The following CYP20A1 variants were observed in gnomAD, a reference collection of about 807,000 sequenced individuals.
The protein encoded by CYP20A1 is cytochrome P450 family 20 subfamily A member 1.
Under a neutral mutation model 61.4 loss-of-function variants are expected in CYP20A1, and 61 were observed. The ratio of observed to expected loss-of-function variants is 0.99; its 90% confidence interval spans 0.81 to 1.23. The LOEUF (loss-of-function observed/expected upper bound fraction) is 1.23. CYP20A1 is among the 50% of genes most tolerant of loss of function. The pLI, the probability that CYP20A1 is intolerant of heterozygous loss-of-function variation, is 0.00. For synonymous variants in CYP20A1, 193 were observed against 188.2 expected (o/e 1.03, Z -0.21); for missense variants, 530 against 542.4 (o/e 0.98, Z 0.23).
intron 9 of CYP20A1, among the ~76,000 whole-genome samples, chr2:203,287,234 A>AG (rs1400423991): frequency 6.6e-6 from 1 of 151,144 alleles, no homozygotes; most frequent in Non-Finnish European, 1.5e-5. Context: ...AAAAAAAAAA[A>AG]AAAAAGAAAA....
chr2:203,245,775 A>C, intron 1 of CYP20A1, 71 bp from the exon 2 acceptor site: 4 of 802,482 alleles, frequency 5.0e-6, no homozygotes, highest in Non-Finnish European at 8.1e-6. Flanking sequence ...GGTCCTGCAG[A>C]TGTGTTGGTG....
At chr2:203,283,211 A>ATTTTTTTTTTTTTTTTTT (rs371972851) in intron 8 of CYP20A1, among the ~76,000 whole-genome samples, 1 of 83,492 alleles carries the variant, frequency 1.2e-5, no homozygotes. Flanking sequence ...CAATGTGAGA[A>ATTTTTTTTTTTTTTTTTT]TTTTTTTTTT....
Position 203,292,826 on chromosome 2 carries a change from G to A in CYP20A1, c.1148+500G>A, listed in dbSNP as rs890620425. Among the ~76,000 whole-genome samples, 2 of 151,746 alleles carry A rather than the reference G, an allele frequency of 1.3e-5. 1 individual carries two copies. Among genetic ancestry groups the A allele is most frequent in the African/African-American group, 4.8e-5 (2 of 41,322 alleles). ...GTGAATCTGCTATTTGCTACTCTTT[G>A]TCTCTTTTATTACCACTTTTATACT... is the stretch of plus-strand genomic sequence containing the variant. On this transcript the variant is annotated intron_variant, in intron 11 of 12. Coordinates refer to ENST00000356079, the MANE Select transcript of CYP20A1 (RefSeq NM_177538.3).
At chr2:203,252,131 T>G in intron 4 of CYP20A1, 22 bp downstream of exon 4, 1 of 1,576,354 alleles carries the variant, frequency 6.3e-7, no homozygotes, top group Non-Finnish European at 8.6e-7. Flanking sequence ...AGTAGTTTGG[T>G]CTAGTGTTCT....
chr2:203,279,354 ATAT>A (rs749911415), intron 7 of CYP20A1, among the ~76,000 whole-genome samples: 44 of 152,280 alleles, frequency 2.9e-4, no homozygotes, highest in Middle Eastern at 3.4e-3. Flanking sequence ...ATATTATTTA[ATAT>A]TATTAAATTG....
At chr2:203,274,494 T>G (rs2067733517) in intron 6 of CYP20A1, among the ~76,000 whole-genome samples, 1 of 152,180 alleles carries the variant, frequency 6.6e-6, no homozygotes, top group African/African-American at 2.4e-5. Flanking sequence ...CCAATACTTT[T>G]ATTCTAAGCT....
At chr2:203,267,840 T>C (rs1374693045) in intron 5 of CYP20A1, among the ~76,000 whole-genome samples, 1 of 139,198 alleles carries the variant, frequency 7.2e-6, no homozygotes, top group African/African-American at 2.7e-5. Flanking sequence ...CAAGAGTCCA[T>C]CTCAAAAAAA....
intron 5 of CYP20A1, among the ~76,000 whole-genome samples, chr2:203,270,988 C>T (rs368035754): frequency 1.1e-4 from 15 of 139,578 alleles, no homozygotes; most frequent in South Asian, 6.9e-4. Context: ...CCACTCCACT[C>T]GGCCTACTAT....
chr2:203,282,443 G>A (rs966955610), intron 8 of CYP20A1, among the ~76,000 whole-genome samples: 3 of 151,566 alleles, frequency 2.0e-5, no homozygotes, highest in Admixed American at 6.6e-5. Flanking sequence ...GCCTAACTTG[G>A]GCAATAAAAC....
chr2:203,271,856 C>G (rs2067613307), intron 5 of CYP20A1, among the ~76,000 whole-genome samples: 1 of 152,058 alleles, frequency 6.6e-6, no homozygotes, highest in Admixed American at 6.6e-5. Flanking sequence ...GAAACCCCAT[C>G]TCTACTAAAA....
At chr2:203,260,123 C>CA (rs1407587315) in intron 4 of CYP20A1, among the ~76,000 whole-genome samples, 3 of 152,052 alleles carry the variant, frequency 2.0e-5, no homozygotes, top group Non-Finnish European at 4.4e-5. Flanking sequence ...GACAGGGTTT[C>CA]ACCATGTTGG....
At chr2:203,282,993 A>T (rs955490701) in intron 8 of CYP20A1, among the ~76,000 whole-genome samples, 1 of 152,004 alleles carries the variant, frequency 6.6e-6, no homozygotes. Flanking sequence ...ATATAGTGGG[A>T]CACAATCTCT....
At chr2:203,243,059 G>A (rs982338247) in intron 1 of CYP20A1, among the ~76,000 whole-genome samples, 3 of 152,094 alleles carry the variant, frequency 2.0e-5, no homozygotes, top group African/African-American at 7.2e-5. Context: ...AAATCCCCTG[G>A]TGCATTCACT....
At chr2:203,253,174 C>G (rs2066759660) in intron 4 of CYP20A1, among the ~76,000 whole-genome samples, 1 of 152,212 alleles carries the variant, frequency 6.6e-6, no homozygotes, top group African/African-American at 2.4e-5. Context: ...GGCTCCCCTT[C>G]TGTCCCCACG....
intron 4 of CYP20A1, among the ~76,000 whole-genome samples, chr2:203,265,244 A>G (rs1052308008): frequency 6.6e-5 from 10 of 152,128 alleles, no homozygotes; most frequent in African/African-American, 1.9e-4. Flanking sequence ...TTACCTCTAG[A>G]TGCCAGTAGC....
At chr2:203,286,491 A>G (rs1404421838) in intron 9 of CYP20A1, among the ~76,000 whole-genome samples, 1 of 152,152 alleles carries the variant, frequency 6.6e-6, no homozygotes, top group East Asian at 1.9e-4. Context: ...TGGTATTACC[A>G]TACCATAGAA....
At chr2:203,283,211 A>ATTTTTTTTT (rs371972851) in intron 8 of CYP20A1, among the ~76,000 whole-genome samples, 7 of 83,492 alleles carry the variant, frequency 8.4e-5, no homozygotes, top group African/African-American at 1.4e-4. Flanking sequence ...CAATGTGAGA[A>ATTTTTTTTT]TTTTTTTTTT....
intron 5 of CYP20A1, among the ~76,000 whole-genome samples, chr2:203,272,107 T>A (rs892144077): frequency 1.3e-5 from 2 of 152,210 alleles, no homozygotes; most frequent in African/African-American, 4.8e-5. Context: ...AGAAAAGGAA[T>A]TTTTCACTTT....
At chr2:203,253,650 T>C (rs574664125) in intron 4 of CYP20A1, among the ~76,000 whole-genome samples, 1 of 152,338 alleles carries the variant, frequency 6.6e-6, no homozygotes, top group East Asian at 1.9e-4. Context: ...ATCTATAGCA[T>C]AACATAAGTT....
Sources: allele counts gnomAD v4.1 joint callset (sites outside exome capture counted in the v4.1 genomes callset), GRCh38; gene constraint gnomAD v4.1.1; transcripts MANE v1.5; gene names NCBI Gene and HGNC (gene_info 2026-07-23, HGNC 2026-07-21).